CSMD1: variants seen among roughly 807,000 people sequenced by gnomAD.
CSMD1 encodes the protein CUB and sushi domain-containing protein 1.
A neutral mutation model predicts 417.5 loss-of-function variants in CSMD1; 213 were observed. That is an observed-to-expected ratio of 0.51 (90% CI 0.46 to 0.57). The LOEUF is 0.57. CSMD1 is among the 20% of genes least tolerant of loss of function. The probability of loss-of-function intolerance (pLI) is 0.00; values close to 1 mark genes in which losing one functional copy is unlikely to be tolerated. For synonymous variants in CSMD1, 2,862 were observed against 1,736.8 expected, an observed-to-expected ratio of 1.65 and a Z score of -16.11; for missense variants, 6,923 against 4,529.7, an observed-to-expected ratio of 1.53 and a Z score of -15.17.
At chr8:4,008,860 T>TC (rs745694750) in intron 4 of CSMD1, among the ~76,000 whole-genome samples, 11 of 152,084 alleles carry the variant, frequency 7.2e-5, no homozygotes, top group Admixed American at 1.3e-4. Flanking sequence ...TCCGTCCGCC[T>TC]CGGCCTCCCA....
In CSMD1 at chr8:3,772,458, T is replaced by C. The variant is rs1445419937; in HGVS notation, c.819-18416A>G. 2.6e-3 allele frequency among the ~76,000 whole-genome samples: 201 copies of C among 76,168 alleles called. 27 individuals carry two copies. Among genetic ancestry groups the C allele is most frequent in the African/African-American group, 3.7e-3 (79 of 21,178 alleles). The allele number at this position is 76,168 out of a possible 152,430, so 50.0% of individuals were successfully genotyped here. On this transcript the variant is annotated intron_variant, in intron 5 of 69. Coordinates refer to ENST00000635120, the MANE Select transcript of CSMD1 (RefSeq NM_033225.6). ...ATACATTTATATATACACATATATA[T>C]ACATATATACACATATATATACATA... is the stretch of plus-strand genomic sequence containing the variant.
chr8:4,396,621 A>G (rs1804235864), intron 3 of CSMD1, among the ~76,000 whole-genome samples: 1 of 148,850 alleles, frequency 6.7e-6, no homozygotes, highest in East Asian at 1.9e-4. Context: ...TGTGATACAC[A>G]CACACACACA....
intron 2 of CSMD1, among the ~76,000 whole-genome samples, chr8:4,427,457 G>A (rs776040906): frequency 2.6e-5 from 4 of 151,014 alleles, no homozygotes; most frequent in African/African-American, 9.8e-5. Context: ...ATGCAATCAA[G>A]CAGGCAAAGT....
At chr8:3,897,960 C>T (rs1563189458) in intron 5 of CSMD1, among the ~76,000 whole-genome samples, 1 of 152,120 alleles carries the variant, frequency 6.6e-6, no homozygotes, top group East Asian at 1.9e-4. Context: ...AATGAAGACA[C>T]AAAATCAAAA....
intron 2 of CSMD1, among the ~76,000 whole-genome samples, chr8:4,453,868 C>G (rs1360529596): frequency 1.4e-5 from 2 of 138,904 alleles, no homozygotes; most frequent in African/African-American, 2.7e-5. Context: ...GTCACCCACG[C>G]TGGAGTGCAC....
intron 3 of CSMD1, among the ~76,000 whole-genome samples, chr8:4,241,169 G>C (rs1802375609): frequency 6.6e-6 from 1 of 152,038 alleles, no homozygotes; most frequent in Admixed American, 6.5e-5. Flanking sequence ...TTAAACAAAT[G>C]AAATCCTGAT....
At chr8:3,671,070 G>A (rs199935014) in intron 7 of CSMD1, among the ~76,000 whole-genome samples, 222 of 67,172 alleles carry the variant, frequency 3.3e-3, no homozygotes, top group African/African-American at 4.3e-3. Context: ...ATATGTATAT[G>A]GGATATATAC....
intron 18 of CSMD1, among the ~76,000 whole-genome samples, chr8:3,375,438 T>G (rs574031918): frequency 6.6e-6 from 1 of 152,260 alleles, no homozygotes; most frequent in South Asian, 2.1e-4. Context: ...AAACCACAAA[T>G]ACAGTTCTAT....
At chr8:4,866,734 C>G (rs1044157228) in intron 1 of CSMD1, among the ~76,000 whole-genome samples, 1 of 151,874 alleles carries the variant, frequency 6.6e-6, no homozygotes, top group Admixed American at 6.6e-5. Flanking sequence ...TTTTCAACCT[C>G]GATCGTTCAA....
rs1421819012 is a variant in CSMD1, at chr8:4,116,446, C to A, written c.416-84347G>T. ...CACATCAGATGGCGACGTATGAGTG[C>A]AGGTGCCTGAATGGAACAAACGCGC... is the stretch of plus-strand genomic sequence containing the variant. On this transcript the variant is annotated intron_variant, in intron 3 of 69. Coordinates refer to ENST00000635120, the MANE Select transcript of CSMD1 (RefSeq NM_033225.6). Among the ~76,000 whole-genome samples the A allele has an allele frequency of 5.5e-5, 8 of 145,576 alleles. 1 individual carries two copies. The highest frequency in any genetic ancestry group is 2.1e-4 in the African/African-American group (8 of 38,608).
chr8:3,080,329 G>A (rs1435112817), intron 49 of CSMD1, among the ~76,000 whole-genome samples: 1 of 152,186 alleles, frequency 6.6e-6, no homozygotes, highest in African/African-American at 2.4e-5. Flanking sequence ...GCTTGGCAGA[G>A]TTTCTTGCTT....
chr8:3,215,088 T>C (rs1315359148), intron 29 of CSMD1, among the ~76,000 whole-genome samples: 1 of 152,174 alleles, frequency 6.6e-6, no homozygotes, highest in Non-Finnish European at 1.5e-5. Context: ...ACATCAAACA[T>C]ATTAACATAA....
chr8:3,635,639 A>T (rs1797000816), intron 7 of CSMD1, among the ~76,000 whole-genome samples: 1 of 151,246 alleles, frequency 6.6e-6, no homozygotes, highest in African/African-American at 2.4e-5. Context: ...GCCAGCCACC[A>T]TGCCTGGCTA....
At chr8:4,847,329 A>T (rs188177343) in intron 1 of CSMD1, among the ~76,000 whole-genome samples, 4 of 152,354 alleles carry the variant, frequency 2.6e-5, no homozygotes, top group African/African-American at 4.8e-5. Context: ...CAGATCTTGC[A>T]CATTTGAATC....
Position 4,641,185 on chromosome 8 carries a change from A to G in CSMD1, c.86-3627T>C, listed in dbSNP as rs539322954. ...GAGAAACATACATGCAACATTGTGC[A>G]TACAGATGTTTTTGCTGCTATAATT... On this transcript the variant is annotated intron_variant, in intron 1 of 69. Transcript: ENST00000635120. 2.0e-5 allele frequency among the ~76,000 whole-genome samples: 3 copies of G among 152,014 alleles called. No homozygotes were observed. In the South Asian group the frequency reaches 6.2e-4, roughly 32 times the overall value.
intron 9 of CSMD1, among the ~76,000 whole-genome samples, chr8:3,580,818 A>G (rs1331483732): frequency 2.0e-5 from 3 of 152,184 alleles, no homozygotes; most frequent in African/African-American, 7.2e-5. Context: ...GGGGTAAATG[A>G]TCTTCTTATT....
intron 5 of CSMD1, among the ~76,000 whole-genome samples, chr8:3,876,770 C>A (rs148686052): frequency 6.6e-6 from 1 of 152,080 alleles, no homozygotes; most frequent in African/African-American, 2.4e-5. Flanking sequence ...CCACCAGGCA[C>A]AGCAAGTTTT....
intron 48 of CSMD1, among the ~76,000 whole-genome samples, chr8:3,088,430 A>C (rs901827949): frequency 2.0e-5 from 3 of 152,156 alleles, no homozygotes; most frequent in Non-Finnish European, 4.4e-5. Context: ...TTCCATATAA[A>C]AGCACACACA....
chr8:3,832,638 C>T (rs1470024113), intron 5 of CSMD1, among the ~76,000 whole-genome samples: 1 of 152,100 alleles, frequency 6.6e-6, no homozygotes, highest in Admixed American at 6.6e-5. Flanking sequence ...TCGAAGATTT[C>T]AAGTACTTAC....
Sources: allele counts gnomAD v4.1 joint callset (sites outside exome capture counted in the v4.1 genomes callset), GRCh38; gene constraint gnomAD v4.1.1; transcripts MANE v1.5; gene names NCBI Gene and HGNC (gene_info 2026-07-23, HGNC 2026-07-21).